The following PKD1L1 variants were observed in gnomAD, a reference collection of about 807,000 sequenced individuals.
PKD1L1 encodes the protein polycystin 1 like 1, transient receptor potential channel interacting, also known as polycystin-1-like protein 1.
Under a neutral mutation model 323.4 loss-of-function variants are expected in PKD1L1, and 236 were observed. The observed-to-expected ratio is 0.73, with a 90% CI of 0.66 to 0.81. The LOEUF is 0.81. Among genes scored for constraint, PKD1L1 ranks in the 40% least tolerant of loss-of-function variants. The probability of loss-of-function intolerance (pLI) is 0.00; values close to 1 mark genes in which losing one functional copy is unlikely to be tolerated. For missense variants in PKD1L1, 3,320 were observed against 3,508.0 expected (o/e 0.95, Z 1.35); for synonymous variants, 1,344 against 1,335.0 (o/e 1.01, Z -0.15).
At chr7:47,861,744 G>A (rs1318550048) in intron 26 of PKD1L1, among the ~76,000 whole-genome samples, 7 of 152,016 alleles carry the variant, frequency 4.6e-5, no homozygotes, top group Non-Finnish European at 4.4e-5. Flanking sequence ...AGCCGGGCAT[G>A]GTGGTGTGCG....
chr7:47,904,414 C>T lies in PKD1L1; in HGVS notation c.1895G>A (p.Ser632Asn). ...YLWDFGDGTVSLGSSSSSHVY... is the reference protein window; with the variant it reads ...YLWDFGDGTVNLGSSSSSHVY... ...ATGGCTGCTGGAGCTGCTCCCCAGG[C>T]TGACGGTGCCATCCCCAAAGTCCCA... The change falls in exon 12 of 57, where the codon AGC becomes AAC. Residue 632 changes from serine to asparagine, a missense_variant. Physicochemically the swap from Ser to Asn is conservative, Grantham distance 46. Transcript: ENST00000289672. 6.2e-7 allele frequency: 1 copy of T among 1,614,156 alleles called. No homozygotes were observed. The highest frequency in any genetic ancestry group is 8.5e-7 in the Non-Finnish European group (1 of 1,180,018).
chr7:47,834,961 A>T lies in PKD1L1; in HGVS notation c.6127+6T>A. ...AGAGTTTCTGAGAGTTTTAATGTACATTTACCATGGGGTGCCTCGGTCTGT... is the reference window on the plus strand; with the variant it reads ...AGAGTTTCTGAGAGTTTTAATGTACTTTTACCATGGGGTGCCTCGGTCTGT... On this transcript the variant is annotated splice_donor_region_variant and intron_variant, in intron 39 of 56. Transcript: ENST00000289672. The T allele has an allele frequency of 1.2e-6, 2 of 1,612,936 alleles. No individual in the cohort carries two copies. The highest frequency in any genetic ancestry group is 1.7e-6 in the Non-Finnish European group (2 of 1,179,110).
rs1788106711 is a variant in PKD1L1 at position 47,946,823 on chromosome 7, C to T, written c.44+1574G>A. Among the ~76,000 whole-genome samples the T allele has an allele frequency of 6.9e-6, 1 of 145,080 alleles. No individual in the cohort carries two copies. The highest frequency in any genetic ancestry group is 1.5e-5 in the Non-Finnish European group (1 of 67,994). On this transcript the variant is annotated intron_variant, in intron 1 of 56. Transcript: ENST00000289672. The surrounding 1 kb of genome is among the most constrained non-coding windows in gnomAD (Gnocchi z 4.1). ...AAAGGCTATGACTTCAGAAATGGGG[C>T]CTCGACACCAATTACAATGGCTAGT... is the stretch of plus-strand genomic sequence containing the variant.
chr7:47,815,411 A>G lies in PKD1L1; in HGVS notation c.7012T>C (p.Trp2338Arg). 1 of 1,614,086 alleles carries G rather than the reference A, an allele frequency of 6.2e-7. No homozygotes were observed. Among genetic ancestry groups the G allele is most frequent in the Non-Finnish European group, 8.5e-7 (1 of 1,179,976 alleles). The change falls in exon 47 of 57, where the codon TGG becomes CGG. Residue 2338 changes from tryptophan (W) to arginine (R), a missense_variant. Transcript: ENST00000289672. ...LGGLRNIADW[W>R]DWSLTTLLDG... ...AGAAGTGTGGTCAGACTCCAGTCCC[A>G]CCAGTCAGCGATGTTTCTCAGGCCA...
rs747808041 is a variant in PKD1L1 at position 47,813,130 on chromosome 7, C to T, written c.7337G>A (p.Gly2446Asp). 32 of 1,613,030 alleles carry T rather than the reference C, an allele frequency of 2.0e-5. No homozygotes were observed. Among genetic ancestry groups the T allele is most frequent in the Admixed American group, 3.3e-5 (2 of 59,998 alleles). The change falls in exon 49 of 57, where the codon GGC becomes GAC. Residue 2446 changes from glycine (G) to aspartate (D), a missense_variant. Gly to Asp is a moderately conservative substitution (Grantham distance 94). Coordinates refer to ENST00000289672, the MANE Select transcript of PKD1L1 (RefSeq NM_138295.5). ...TTCGAATCTCACTGACCTTGTTCTG[C>T]CCAGGCTGAGCACACAGTCCTCCCT... ...GTREDCVLSL[G>D]RTRTEAHTAL... is the part of the protein sequence containing the mutation.
intron 53 of PKD1L1, among the ~76,000 whole-genome samples, chr7:47,801,558 C>T (rs1282166799): frequency 6.6e-6 from 1 of 152,148 alleles, no homozygotes; most frequent in Non-Finnish European, 1.5e-5. Flanking sequence ...TGTGGACGGG[C>T]CTACAGAGAG....
chr7:47,807,282 G>A (rs1177019497), intron 52 of PKD1L1, among the ~76,000 whole-genome samples: 1 of 152,054 alleles, frequency 6.6e-6, no homozygotes, highest in Non-Finnish European at 1.5e-5. Context: ...CAACAAAGAG[G>A]CAGGGACTGG....
intron 6 of PKD1L1, among the ~76,000 whole-genome samples, chr7:47,929,920 TC>T (rs1787732330): frequency 6.6e-6 from 1 of 152,198 alleles, no homozygotes; most frequent in African/African-American, 2.4e-5. Context: ...AGTCACTACT[TC>T]CTGTGTTTTT....
chr7:47,917,405 G>A (rs1245301028), intron 7 of PKD1L1, among the ~76,000 whole-genome samples: 1 of 119,940 alleles, frequency 8.3e-6, no homozygotes, highest in Non-Finnish European at 1.8e-5. Flanking sequence ...AAACATATGT[G>A]GGGGAATGAT....
Position 47,885,911 on chromosome 7 carries a change from G to T in PKD1L1, c.2980C>A (p.Pro994Thr). 2 of 1,614,212 alleles carry T rather than the reference G, an allele frequency of 1.2e-6. No individual in the cohort carries two copies. The highest frequency in any genetic ancestry group is 1.7e-6 in the Non-Finnish European group (2 of 1,180,042). ...GTGGCAGGTTGGCCAAGGGTCACGG[G>T]TGAAGGTTCCCGTGAGAATGGTGTG... Reference protein sequence around the residue: ...TTTPFSREPSPVTLGQPATSA... With the variant: ...TTTPFSREPSTVTLGQPATSA... The change falls in exon 18 of 57, where the codon CCC becomes ACC. Residue 994 changes from proline (P) to threonine (T), a missense_variant. Pro to Thr is a conservative substitution (Grantham distance 38, BLOSUM62 -1). Coordinates refer to ENST00000289672, the MANE Select transcript of PKD1L1 (RefSeq NM_138295.5).
upstream of PKD1L1, among the ~76,000 whole-genome samples, chr7:47,951,052 A>T (rs985006549): frequency 1.3e-5 from 2 of 152,244 alleles, no homozygotes; most frequent in African/African-American, 4.8e-5. Context: ...GCTTAAGGTG[A>T]GACGTGGATG....
chr7:47,809,666 C>G (rs145023784), intron 50 of PKD1L1, 89 bp from the exon 51 acceptor site: 1 of 930,962 alleles, frequency 1.1e-6, no homozygotes, highest in African/African-American at 1.7e-5. Context: ...GCTCCCCTGC[C>G]AATCACCTTT....
At chr7:47,898,910 A>T (rs1178465738) in intron 13 of PKD1L1, among the ~76,000 whole-genome samples, 6 of 151,496 alleles carry the variant, frequency 4.0e-5, no homozygotes, top group African/African-American at 1.2e-4. Context: ...AAAAAAAAAA[A>T]GGAGAGAGGA....
intron 32 of PKD1L1, among the ~76,000 whole-genome samples, chr7:47,846,236 AAAGGT>A (rs1165887690): frequency 6.6e-6 from 1 of 152,214 alleles, no homozygotes; most frequent in Non-Finnish European, 1.5e-5. Context: ...ATCCTAATGA[AAAGGT>A]AAGGGCAACA....
Position 47,902,521 on chromosome 7 carries a change from T to C in PKD1L1, c.1932-10A>G. 1.2e-6 allele frequency: 2 copies of C among 1,613,246 alleles called. No homozygotes were observed. The highest frequency in any genetic ancestry group is 1.7e-5 in the Admixed American group (1 of 59,880). ...TGTAAATTCTCCTTCCCTGGGACGG[T>C]GGAAAGCACAGAAATGAACAAATTT... On this transcript the variant is annotated splice_polypyrimidine_tract_variant and intron_variant, in intron 12 of 56. Transcript: ENST00000289672.
rs749636644 is a variant in PKD1L1 at position 47,866,418 on chromosome 7, C to G, written c.4092+1G>C. 29 of 1,612,906 alleles carry G rather than the reference C, an allele frequency of 1.8e-5. No individual in the cohort carries two copies. Among genetic ancestry groups the G allele is most frequent in the Non-Finnish European group, 2.3e-5 (27 of 1,179,526 alleles). On this transcript the variant is annotated splice_donor_variant, in intron 25 of 56. Coordinates refer to ENST00000289672, the MANE Select transcript of PKD1L1 (RefSeq NM_138295.5). LOFTEE classifies it high-confidence loss of function. ...TAAACTCACCCTCCTCTGAGCCATA[C>G]CTGATCTACAAAAGCCAATCTGCAT...
In PKD1L1 at chr7:47,818,926, T is replaced by C. The variant is rs1024159090; in HGVS notation, c.6965+2150A>G. Among the ~76,000 whole-genome samples, 3 of 152,238 alleles carry C rather than the reference T, an allele frequency of 2.0e-5. No homozygotes were observed. The East Asian group carries it at 5.8e-4, about 29-fold the overall frequency. On this transcript the variant is annotated intron_variant, in intron 46 of 56. Coordinates refer to ENST00000289672, the MANE Select transcript of PKD1L1 (RefSeq NM_138295.5). Reference sequence around the variant, plus strand: ...CGCAATGACTACTCAGTAGTCCAGTTCCCTCCCTTTATAGATGAAGATGCT... The same window carrying C: ...CGCAATGACTACTCAGTAGTCCAGTCCCCTCCCTTTATAGATGAAGATGCT...
intron 24 of PKD1L1, 104 bp downstream of exon 24, chr7:47,873,795 G>T (rs1786339012): frequency 1.3e-6 from 1 of 782,444 alleles, no homozygotes. Flanking sequence ...AAGAAGATGA[G>T]TTCCTGACAT....
At chr7:47,842,922 T>G in intron 34 of PKD1L1, 40 bp downstream of exon 34, 4 of 1,565,020 alleles carry the variant, frequency 2.6e-6, no homozygotes, top group Non-Finnish European at 3.5e-6. Flanking sequence ...TTGACACTGC[T>G]TAGACACCAT....
Sources: gnomAD v4.1 joint callset for allele counts (sites outside exome capture counted in the v4.1 genomes callset) on GRCh38, gnomAD v4.1.1 for gene constraint, Gnocchi (gnomAD v3.1) non-coding constraint, MANE v1.5 for transcripts, NCBI Gene and HGNC (gene_info 2026-07-23, HGNC 2026-07-21) for gene names.